PHYHD1: variants seen among roughly 807,000 people sequenced by gnomAD.
PHYHD1 encodes the protein phytanoyl-CoA dioxygenase domain-containing protein 1.
Under a neutral mutation model 43.6 loss-of-function variants are expected in PHYHD1, and 42 were observed. The ratio of observed to expected loss-of-function variants is 0.96; its 90% CI spans 0.75 to 1.25. The LOEUF is 1.25. Ranked by LOEUF, PHYHD1 falls within the 50% of genes most tolerant of loss-of-function variation. The pLI is 0.00. For missense variants in PHYHD1, 342 were observed against 370.8 expected, an observed-to-expected ratio of 0.92 and a Z score of 0.64; for synonymous variants, 139 against 143.6, an observed-to-expected ratio of 0.97 and a Z score of 0.23.
At chr9:128,929,108 C>T (rs893558221) in intron 4 of PHYHD1, among the ~76,000 whole-genome samples, 1 of 152,000 alleles carries the variant, frequency 6.6e-6, no homozygotes. Context: ...CAGGGAGGAT[C>T]GCTTGAGCCC....
intron 6 of PHYHD1, among the ~76,000 whole-genome samples, chr9:128,934,274 A>G (rs1359306940): frequency 1.3e-5 from 2 of 152,136 alleles, no homozygotes; most frequent in Non-Finnish European, 2.9e-5. Context: ...CTGTAGTCCC[A>G]GCTACTCAGG....
intron 4 of PHYHD1, among the ~76,000 whole-genome samples, chr9:128,928,508 G>C (rs1026744516): frequency 6.6e-6 from 1 of 152,008 alleles, no homozygotes; most frequent in African/African-American, 2.4e-5. Flanking sequence ...TTTGAGACTA[G>C]CCTGGCCAAC....
chr9:128,932,166 A>ATTTTTTTTTTTTT (rs1564540372), intron 4 of PHYHD1, among the ~76,000 whole-genome samples: 1 of 122,746 alleles, frequency 8.1e-6, no homozygotes, highest in African/African-American at 3.5e-5. Context: ...TATTATTATT[A>ATTTTTTTTTTTTT]TTGTTATTAT....
chr9:128,940,567 A>G, intron 10 of PHYHD1, 32 bp from the exon 11 acceptor site: 2 of 1,613,840 alleles, frequency 1.2e-6, no homozygotes, highest in Non-Finnish European at 1.7e-6. Context: ...TTGAGAAAGG[A>G]GGAGTTTAAG....
chr9:128,928,351 C>T (rs1841190236), intron 4 of PHYHD1, among the ~76,000 whole-genome samples: 1 of 152,102 alleles, frequency 6.6e-6, no homozygotes, highest in African/African-American at 2.4e-5. Context: ...GAATCCTGTG[C>T]CCTCCAAGCT....
intron 9 of PHYHD1, among the ~76,000 whole-genome samples, chr9:128,939,672 T>TTTTTTTTTTTTA (rs1564543187): frequency 4.0e-5 from 5 of 124,198 alleles, no homozygotes; most frequent in African/African-American, 1.1e-4. Context: ...TTTTTTTTTT[T>TTTTTTTTTTTTA]GAGAGGGAGT....
rs1362982482 is a variant in PHYHD1, at chr9:128,924,626, AAAG to A, written c.33+2277_33+2279del. ...GACCCTGTCTCTTAAAAAAAAAAAA[AAAG>A]AAGAAGGAAAGAAAAGAGAAAAGGG... is the stretch of plus-strand genomic sequence containing the variant. On this transcript the variant is annotated intron_variant, in intron 3 of 12. Coordinates refer to ENST00000372592, the MANE Select transcript of PHYHD1 (RefSeq NM_001100876.2). Among the ~76,000 whole-genome samples, 4 of 151,242 alleles carry A rather than the reference AAAG, an allele frequency of 2.6e-5. No individual in the cohort carries two copies. The South Asian group carries it at 6.3e-4, about 24-fold the overall frequency.
intron 4 of PHYHD1, among the ~76,000 whole-genome samples, chr9:128,932,177 TATTATTA>T (rs1379319916): frequency 1.4e-4 from 18 of 125,404 alleles, no homozygotes; most frequent in African/African-American, 5.0e-4. Context: ...TTGTTATTAT[TATTATTA>T]TTTTTTTTTT....
chr9:128,922,440 C>G lies in PHYHD1; in HGVS notation c.33+84C>G, dbSNP rs369569818. 6 of 1,469,742 alleles carry G rather than the reference C, an allele frequency of 4.1e-6. No individual in the cohort carries two copies. The South Asian group carries it at 6.4e-5, about 16-fold the overall frequency. The allele number at this position is 1,469,742 out of a possible 1,614,324, so 91.0% of individuals were successfully genotyped here. A position where few individuals can be genotyped will look rare whatever the true frequency, so the allele number is the denominator to read the frequency against. On this transcript the variant is annotated intron_variant, in intron 3 of 12. Transcript: ENST00000372592. Reference sequence around the variant, plus strand: ...TCAGTAGTCCCAGTGCCCAACCCACCCCCTGCCCCATTTTACCGAGGACGA... The same window carrying G: ...TCAGTAGTCCCAGTGCCCAACCCACGCCCTGCCCCATTTTACCGAGGACGA...
chr9:128,940,658 C>G lies in PHYHD1; in HGVS notation c.646C>G (p.Leu216Val). The G allele has an allele frequency of 6.2e-7, 1 of 1,614,122 alleles. No individual in the cohort carries two copies. Among genetic ancestry groups the G allele is most frequent in the Non-Finnish European group, 8.5e-7 (1 of 1,180,026 alleles). ...PVGSAPGTSFLGSEPARDNSL... is the reference protein window; with the variant it reads ...PVGSAPGTSFVGSEPARDNSL... ...TGGCTCAGCGCCTGGTACCAGCTTC[C>G]TTGGGTCAGAGCCAGCCCGGGATAA... Residue 216 changes from leucine (L) to valine (V), a missense_variant, in exon 11 of 13, where the codon CTT (leucine) becomes GTT (valine). Physicochemically the swap from Leu to Val is conservative, Grantham distance 32. Coordinates refer to ENST00000372592, the MANE Select transcript of PHYHD1 (RefSeq NM_001100876.2).
At chr9:128,923,134 G>C (rs1236899768) in intron 3 of PHYHD1, among the ~76,000 whole-genome samples, 1 of 152,180 alleles carries the variant, frequency 6.6e-6, no homozygotes, top group Non-Finnish European at 1.5e-5. Context: ...AGTAGAGACA[G>C]GATTTCACCA....
intron 4 of PHYHD1, 118 bp downstream of exon 4, chr9:128,927,314 C>CT (rs1841162265): frequency 6.6e-6 from 8 of 1,212,476 alleles, no homozygotes; most frequent in Non-Finnish European, 8.2e-6. Context: ...GGCCAAGCCC[C>CT]TTACACACCT....
At chr9:128,941,390 T>C in intron 11 of PHYHD1, 55 bp from the exon 12 acceptor site, 1 of 1,599,398 alleles carries the variant, frequency 6.3e-7, no homozygotes, top group Non-Finnish European at 8.5e-7. Context: ...CTTCCTGCTC[T>C]GGGGAGGGGG....
rs545656646 is a variant in PHYHD1, at chr9:128,933,851, G to A, written c.262G>A (p.Glu88Lys). The part of the protein sequence containing the change: ...RFFFEKGVFD[E>K]KGNFLVPPEK... Reference sequence around the variant, plus strand: ...CTTCTTTGAGAAAGGCGTTTTTGATGAGAAAGGTTTGGAGCTGGGGCCCTA... The same window carrying A: ...CTTCTTTGAGAAAGGCGTTTTTGATAAGAAAGGTTTGGAGCTGGGGCCCTA... Residue 88 changes from glutamate (E) to lysine (K), a missense_variant, in exon 5 of 13, where the codon GAG (glutamate) becomes AAG (lysine). Glu to Lys is a moderately conservative substitution (Grantham distance 56). Transcript: ENST00000372592. 1 of 1,614,028 alleles carries A rather than the reference G, an allele frequency of 6.2e-7. No individual in the cohort carries two copies. Among genetic ancestry groups the A allele is most frequent in the African/African-American group, 1.3e-5 (1 of 75,046 alleles).
chr9:128,930,601 C>T (rs912848678), intron 4 of PHYHD1, among the ~76,000 whole-genome samples: 1 of 150,866 alleles, frequency 6.6e-6, no homozygotes, highest in Admixed American at 6.6e-5. Context: ...TAATGCACTC[C>T]AGCCTGGGCA....
At chr9:128,924,876 G>A (rs968455693) in intron 3 of PHYHD1, among the ~76,000 whole-genome samples, 30 of 151,778 alleles carry the variant, frequency 2.0e-4, no homozygotes, top group African/African-American at 9.7e-5. Flanking sequence ...TAGAGGTTGC[G>A]ATGAGCTGAG....
At position 128,940,646 on chromosome 9, in the gene PHYHD1, G is replaced by A. The variant is rs934774306; in HGVS notation, c.634G>A (p.Gly212Ser). 6.2e-7 allele frequency: 1 copy of A among 1,614,154 alleles called. No individual in the cohort carries two copies. The highest frequency in any genetic ancestry group is 1.3e-5 in the African/African-American group (1 of 75,056). Reference protein sequence around the residue: ...MVRAPVGSAPGTSFLGSEPAR... With the variant: ...MVRAPVGSAPSTSFLGSEPAR... ...CCGGGCCCCTGTTGGCTCAGCGCCT[G>A]GTACCAGCTTCCTTGGGTCAGAGCC... Residue 212 changes from glycine (G) to serine (S), a missense_variant, in exon 11 of 13, where the codon GGT becomes AGT. By Grantham distance (56) the Gly-to-Ser change is moderately conservative (BLOSUM62 0). Transcript: ENST00000372592.
At position 128,936,588 on chromosome 9, in the gene PHYHD1, G is replaced by A. The variant is rs535343588; in HGVS notation, c.378G>A (p.Leu126=). ...TGACCTTTGCCCCCCTCCAGACCTTGGCCAGAAGTCTGGGCCTCCAGATGC... is the reference window on the plus strand; with the variant it reads ...TGACCTTTGCCCCCCTCCAGACCTTAGCCAGAAGTCTGGGCCTCCAGATGC... ...SITHSFKVQT[L]ARSLGLQMPV... Residue 126 remains leucine (L), a synonymous_variant, in exon 8 of 13, where the codon TTG becomes TTA. Transcript: ENST00000372592. The A allele has an allele frequency of 3.2e-6, 5 of 1,583,310 alleles. No homozygotes were observed. The South Asian group carries it at 5.7e-5, about 18-fold the overall frequency.
chr9:128,939,567 A>C lies in PHYHD1; in HGVS notation c.458-802A>C, dbSNP rs910193076. On this transcript the variant is annotated intron_variant, in intron 9 of 12. Coordinates refer to ENST00000372592, the MANE Select transcript of PHYHD1 (RefSeq NM_001100876.2). ...GCACTCCAGCCTGGGCGACAGAGCC[A>C]GACTCCGTCTCAAAAAAAAAAAAAA... Among the ~76,000 whole-genome samples the C allele has an allele frequency of 1.1e-4, 13 of 117,622 alleles. 1 individual carries two copies. Among genetic ancestry groups the C allele is most frequent in the African/African-American group, 3.2e-4 (12 of 37,356 alleles). The allele number at this position is 117,622 out of a possible 152,430, so 77.2% of individuals were successfully genotyped here.
Sources: gnomAD v4.1 joint callset for allele counts (sites outside exome capture counted in the v4.1 genomes callset) on GRCh38, gnomAD v4.1.1 for gene constraint, MANE v1.5 for transcripts, NCBI Gene and HGNC (gene_info 2026-07-23, HGNC 2026-07-21) for gene names.